KCNMB2: variants seen among roughly 807,000 people sequenced by gnomAD.
KCNMB2 encodes calcium-activated potassium channel subunit beta-2.
Under a neutral mutation model 24.5 loss-of-function variants are expected in KCNMB2, and 9 were observed. That is an observed-to-expected ratio of 0.37 (90% CI 0.22 to 0.64). The LOEUF (loss-of-function observed/expected upper bound fraction) is 0.64, where lower values mean the gene tolerates loss of function less well. KCNMB2 is among the 30% of genes least tolerant of loss of function. The pLI is 0.63. For missense variants in KCNMB2, 226 were observed against 284.3 expected (o/e 0.79, Z 1.47); for synonymous variants, 109 against 104.4 (o/e 1.04, Z -0.27).
At chr3:178,569,576 A>G (rs1249314050) in intron 1 of KCNMB2, among the ~76,000 whole-genome samples, 1 of 152,170 alleles carries the variant, frequency 6.6e-6, no homozygotes, top group Non-Finnish European at 1.5e-5. Context: ...AGTTGTTTAC[A>G]ACCGCCGGAC....
At chr3:178,832,060 T>G (rs988651490) in intron 4 of KCNMB2, among the ~76,000 whole-genome samples, 4 of 152,188 alleles carry the variant, frequency 2.6e-5, no homozygotes, top group African/African-American at 9.6e-5. Flanking sequence ...TTTACATGGA[T>G]CCACATTTTT....
intron 1 of KCNMB2, among the ~76,000 whole-genome samples, chr3:178,634,871 G>A (rs1465169270): frequency 6.6e-6 from 1 of 152,058 alleles, no homozygotes; most frequent in African/African-American, 2.4e-5. Flanking sequence ...TGAGGAAAAG[G>A]GCCTTTGATC....
chr3:178,747,124 C>G (rs1723696947), intron 1 of KCNMB2: 2 of 152,478 alleles, frequency 1.3e-5, no homozygotes, highest in Admixed American at 1.3e-4. Flanking sequence ...GCACAATTTA[C>G]AAAAGAAAGA....
Position 178,754,177 on chromosome 3 carries a change from T to TATATATATATATATACAC in KCNMB2, c.-67-53165_-67-53164insTATATATATATATACACA, listed in dbSNP as rs1435109631. Among the ~76,000 whole-genome samples the TATATATATATATATACAC allele has an allele frequency of 4.0e-3, 472 of 117,024 alleles. 7 individuals are homozygous for TATATATATATATATACAC. Among genetic ancestry groups the TATATATATATATATACAC allele is most frequent in the African/African-American group, 0.016 (435 of 26,732 alleles). 76.8% of individuals were successfully genotyped at this position (117,024 alleles called of 152,430 possible). A position where few individuals can be genotyped will look rare whatever the true frequency, so the allele number is the denominator to read the frequency against. On this transcript the variant is annotated intron_variant, in intron 1 of 4. Coordinates refer to ENST00000452583, the MANE Select transcript of KCNMB2 (RefSeq NM_181361.3). ...ATATATATATATATATATATATATATACACACACACACACATACATATATA... is the reference window on the plus strand; with the variant it reads ...ATATATATATATATATATATATATATATATATATATATATACACACACACACACACACATACATATATA...
intron 1 of KCNMB2, among the ~76,000 whole-genome samples, chr3:178,787,653 C>T (rs1713163123): frequency 6.6e-6 from 1 of 152,090 alleles, no homozygotes; most frequent in African/African-American, 2.4e-5. Context: ...ACTCTTCTAT[C>T]ATCCCTCATT....
intron 1 of KCNMB2, among the ~76,000 whole-genome samples, chr3:178,663,057 G>A (rs1720591130): frequency 6.6e-6 from 1 of 152,128 alleles, no homozygotes; most frequent in Admixed American, 6.6e-5. Flanking sequence ...GTGTTGGCTA[G>A]GCTTACTTAT....
chr3:178,567,735 C>G (rs1716579166), intron 1 of KCNMB2, among the ~76,000 whole-genome samples: 1 of 152,134 alleles, frequency 6.6e-6, no homozygotes, highest in African/African-American at 2.4e-5. Flanking sequence ...ATCACTTAAT[C>G]TTTGCGAAAC....
chr3:178,825,901 T>G, intron 3 of KCNMB2, 143 bp downstream of exon 3: 1 of 585,288 alleles, frequency 1.7e-6, no homozygotes, highest in Non-Finnish European at 3.0e-6. Flanking sequence ...TACTTTTCAA[T>G]AATGTTATCT....
chr3:178,776,147 C>G (rs1342549328), intron 1 of KCNMB2, among the ~76,000 whole-genome samples: 8 of 152,178 alleles, frequency 5.3e-5, no homozygotes, highest in African/African-American at 1.9e-4. Flanking sequence ...CCTTCCCCAA[C>G]AACTCCATCC....
chr3:178,773,089 C>T (rs1280472038), intron 1 of KCNMB2, among the ~76,000 whole-genome samples: 2 of 152,146 alleles, frequency 1.3e-5, no homozygotes, highest in Non-Finnish European at 2.9e-5. Flanking sequence ...GGAAACCTGG[C>T]ATGGACGAGG....
At chr3:178,778,468 A>ACGTGCGCGCGCGCGCGCG (rs1560017837) in intron 1 of KCNMB2, among the ~76,000 whole-genome samples, 10 of 64,994 alleles carry the variant, frequency 1.5e-4, no homozygotes, top group South Asian at 9.2e-4. Context: ...ACACACACAC[A>ACGTGCGCGCGCGCGCGCG]CACACACACA....
At chr3:178,807,589 A>G in intron 2 of KCNMB2, 124 bp downstream of exon 2, 1 of 735,338 alleles carries the variant, frequency 1.4e-6, no homozygotes, top group Non-Finnish European at 2.3e-6. Flanking sequence ...CAGACTCTAC[A>G]GTACAGGAGT....
intron 1 of KCNMB2, among the ~76,000 whole-genome samples, chr3:178,616,682 A>C (rs1388554318): frequency 6.6e-6 from 1 of 152,134 alleles, no homozygotes; most frequent in Non-Finnish European, 1.5e-5. Context: ...TTCTGTGTGG[A>C]TAGTTGTTAA....
At chr3:178,773,999 C>G (rs1181521377) in intron 1 of KCNMB2, among the ~76,000 whole-genome samples, 2 of 152,134 alleles carry the variant, frequency 1.3e-5, no homozygotes, top group African/African-American at 2.4e-5. Context: ...ATGAAGAGGT[C>G]TGAGCATTGG....
intron 1 of KCNMB2, among the ~76,000 whole-genome samples, chr3:178,586,697 A>T (rs1717452195): frequency 6.6e-6 from 1 of 151,532 alleles, no homozygotes; most frequent in Non-Finnish European, 1.5e-5. Context: ...GGCATGTGCC[A>T]CCACGCCTGG....
At chr3:178,561,537 G>C (rs2108464799) in intron 1 of KCNMB2, among the ~76,000 whole-genome samples, 1 of 152,294 alleles carries the variant, frequency 6.6e-6, no homozygotes, top group South Asian at 2.1e-4. Context: ...GTTAAATGTA[G>C]GGGAGGATCA....
At chr3:178,770,434 T>C (rs1712300965) in intron 1 of KCNMB2, among the ~76,000 whole-genome samples, 1 of 152,184 alleles carries the variant, frequency 6.6e-6, no homozygotes, top group Non-Finnish European at 1.5e-5. Context: ...TAGCCTCAGG[T>C]TTGGAGTGAA....
At chr3:178,660,713 A>G (rs935972362) in intron 1 of KCNMB2, among the ~76,000 whole-genome samples, 2 of 152,136 alleles carry the variant, frequency 1.3e-5, no homozygotes, top group African/African-American at 4.8e-5. Flanking sequence ...AGACTCGGAG[A>G]GGTTAAAATG....
At chr3:178,638,966 G>A (rs1470131647) in intron 1 of KCNMB2, among the ~76,000 whole-genome samples, 1 of 152,058 alleles carries the variant, frequency 6.6e-6, no homozygotes, top group Admixed American at 6.6e-5. Flanking sequence ...ATTGACTTAA[G>A]GTAGGTTTCT....
Sources: allele counts gnomAD v4.1 joint callset (sites outside exome capture counted in the v4.1 genomes callset), GRCh38; gene constraint gnomAD v4.1.1; transcripts MANE v1.5; gene names NCBI Gene and HGNC (gene_info 2026-07-23, HGNC 2026-07-21).